Variants in VPS13B observed in about 807,000 individuals in gnomAD.
The protein encoded by VPS13B is intermembrane lipid transfer protein VPS13B.
Under a neutral mutation model 426.4 loss-of-function variants are expected in VPS13B, and 285 were observed. That is an observed-to-expected ratio of 0.67 (90% CI 0.61 to 0.74). The LOEUF (loss-of-function observed/expected upper bound fraction) is 0.74. Ranked by LOEUF, VPS13B falls within the 30% of genes least tolerant of loss-of-function variation. The pLI is 0.00. For missense variants in VPS13B, 4,537 were observed against 4,782.6 expected, an observed-to-expected ratio of 0.95 and a Z score of 1.51; for synonymous variants, 1,676 against 1,676.4, an observed-to-expected ratio of 1.00 and a Z score of 0.01.
At position 99,507,187 on chromosome 8, in the gene VPS13B, G is replaced by A; in HGVS notation, c.4208G>A (p.Cys1403Tyr). The A allele has an allele frequency of 6.2e-7, 1 of 1,613,882 alleles. No individual in the cohort carries two copies. Among genetic ancestry groups the A allele is most frequent in the Non-Finnish European group, 8.5e-7 (1 of 1,179,856 alleles). Residue 1403 changes from cysteine to tyrosine, a missense_variant, in exon 28 of 62, where the codon TGC becomes TAC. Physicochemically the swap from Cys to Tyr is radical, Grantham distance 194 (BLOSUM62 -2). Coordinates refer to ENST00000357162, the MANE Select transcript of VPS13B (RefSeq NM_152564.5). ...CATTTTGAAGGAGTATTTCTACAAT[G>A]CAAAGAAAAATCTGTGGTGAGACCC... ...SGHFEGVFLQ[C>Y]KEKSVTTTKL... is the part of the protein sequence containing the mutation.
chr8:99,377,915 AC>A lies in VPS13B; in HGVS notation c.2825-6292del, dbSNP rs1813576750. The stretch of plus-strand genomic sequence containing the variant: ...GGTGAGATCACAAGGTCAGGGTGAA[AC>A]TAGAATTACTAATGAAATTCCGTGT... On this transcript the variant is annotated intron_variant, in intron 19 of 61. Transcript: ENST00000357162. Among the ~76,000 whole-genome samples, 3 of 152,214 alleles carry A rather than the reference AC, an allele frequency of 2.0e-5. No individual in the cohort carries two copies. The South Asian group carries it at 6.2e-4, about 32-fold the overall frequency.
At chr8:99,132,592 A>G (rs1011567749) in intron 8 of VPS13B, among the ~76,000 whole-genome samples, 2 of 151,806 alleles carry the variant, frequency 1.3e-5, no homozygotes, top group African/African-American at 4.9e-5. Context: ...TACTTTGCCT[A>G]GATCCATCAG....
intron 21 of VPS13B, among the ~76,000 whole-genome samples, chr8:99,428,503 C>T (rs956196142): frequency 2.6e-5 from 4 of 152,176 alleles, no homozygotes; most frequent in Non-Finnish European, 5.9e-5. Context: ...CAAGAGAAGA[C>T]ATTTTTGCAG....
intron 26 of VPS13B, 70 bp from the exon 27 acceptor site, chr8:99,502,766 A>G (rs1214292829): frequency 2.6e-6 from 3 of 1,174,550 alleles, no homozygotes; most frequent in Non-Finnish European, 3.8e-6. Context: ...TCAATGTGAA[A>G]TGTAAAATAG....
At chr8:99,631,819 G>T (rs1828859964) in intron 33 of VPS13B, among the ~76,000 whole-genome samples, 1 of 151,758 alleles carries the variant, frequency 6.6e-6, no homozygotes, top group Admixed American at 6.6e-5. Context: ...TCCTTAGCTA[G>T]TGCCTAGAAC....
At chr8:99,038,717 T>G in intron 3 of VPS13B, 151 bp downstream of exon 3, 3 of 605,466 alleles carry the variant, frequency 5.0e-6, no homozygotes, top group Non-Finnish European at 5.2e-6. Context: ...AGATAGAGTC[T>G]TGCTCTGTTG....
intron 30 of VPS13B, among the ~76,000 whole-genome samples, chr8:99,526,794 T>A (rs913256287): frequency 1.3e-5 from 2 of 152,190 alleles, no homozygotes; most frequent in African/African-American, 4.8e-5. Flanking sequence ...TTATGTCAAA[T>A]TAAACCAGTG....
intron 35 of VPS13B, chr8:99,696,442 C>G (rs980709653): frequency 5.5e-6 from 2 of 364,218 alleles, no homozygotes; most frequent in Non-Finnish European, 1.1e-5. Flanking sequence ...CCTGACCAGG[C>G]AAAGCGCAGG....
rs536523797 is a variant in VPS13B, at chr8:99,310,089, C to T, written c.2824+34835C>T. ...AGCTTAAGGAGATTTTGGGCTGAGA[C>T]GATGGGGTTTTCTAAATATACAATC... On this transcript the variant is annotated intron_variant, in intron 19 of 61. Coordinates refer to ENST00000357162, the MANE Select transcript of VPS13B (RefSeq NM_152564.5). Among the ~76,000 whole-genome samples, 215 of 152,284 alleles carry T rather than the reference C, an allele frequency of 1.4e-3. 2 individuals carry two copies. The highest frequency in any genetic ancestry group is 2.3e-3 in the South Asian group (11 of 4,824).
chr8:99,811,719 G>C (rs1813710918), intron 44 of VPS13B, among the ~76,000 whole-genome samples: 1 of 152,116 alleles, frequency 6.6e-6, no homozygotes, highest in East Asian at 1.9e-4. Context: ...AGGCAACTTG[G>C]CTGTATCCGC....
At chr8:99,420,544 T>G (rs568812906) in intron 21 of VPS13B, among the ~76,000 whole-genome samples, 1 of 152,292 alleles carries the variant, frequency 6.6e-6, no homozygotes, top group South Asian at 2.1e-4. Flanking sequence ...CAATTCTATC[T>G]AATTGGTGGC....
chr8:99,101,957 G>A (rs1022963495), intron 4 of VPS13B, among the ~76,000 whole-genome samples: 3 of 152,082 alleles, frequency 2.0e-5, no homozygotes, highest in Admixed American at 6.5e-5. Context: ...TTACCTTTTA[G>A]TTAGCTTTTT....
chr8:99,761,133 G>A (rs976132169), intron 39 of VPS13B, among the ~76,000 whole-genome samples: 1 of 152,128 alleles, frequency 6.6e-6, no homozygotes, highest in Non-Finnish European at 1.5e-5. Context: ...GTTTCATTTG[G>A]TGTGAATTTA....
intron 17 of VPS13B, among the ~76,000 whole-genome samples, chr8:99,223,149 T>A (rs1395555017): frequency 6.6e-6 from 1 of 152,218 alleles, no homozygotes; most frequent in Non-Finnish European, 1.5e-5. Flanking sequence ...ACGATTTTAA[T>A]TAGTATGTGG....
At chr8:99,871,226 A>C (rs919467457) in intron 60 of VPS13B, 2 of 696,804 alleles carry the variant, frequency 2.9e-6, no homozygotes, top group Non-Finnish European at 4.8e-6. Flanking sequence ...AAAGGAGCTA[A>C]TAAGCAAAAC....
intron 3 of VPS13B, among the ~76,000 whole-genome samples, chr8:99,079,275 G>A (rs902924227): frequency 6.6e-6 from 1 of 152,056 alleles, no homozygotes; most frequent in Admixed American, 6.6e-5. Flanking sequence ...TGGTCTTGTT[G>A]TCAGGCCCCC....
chr8:99,835,705 T>A lies in VPS13B; in HGVS notation c.9909T>A (p.Ser3303Arg), dbSNP rs1183989088. 6.2e-6 allele frequency: 10 copies of A among 1,613,998 alleles called. No individual in the cohort carries two copies. Among genetic ancestry groups the A allele is most frequent in the Non-Finnish European group, 8.5e-6 (10 of 1,180,016 alleles). ...EPLDEVTTEW[S>R]DAIDINSQGT... ...TAGATGAAGTAACAACTGAGTGGAGTGATGCCATTGACATCAACAGTCAGG... is the reference window on the plus strand; with the variant it reads ...TAGATGAAGTAACAACTGAGTGGAGAGATGCCATTGACATCAACAGTCAGG... The change falls in exon 54 of 62, where the codon AGT becomes AGA. Residue 3303 changes from serine (S) to arginine (R), a missense_variant. Ser to Arg is a moderately radical substitution (Grantham distance 110). Around this residue, in one of 2 missense-constraint regions of VPS13B, gnomAD observed 4,311 missense variants for 4,474.3 expected, o/e 0.96. Coordinates refer to ENST00000357162, the MANE Select transcript of VPS13B (RefSeq NM_152564.5).
intron 21 of VPS13B, among the ~76,000 whole-genome samples, chr8:99,430,703 C>CA (rs1817045956): frequency 9.8e-6 from 1 of 101,840 alleles, no homozygotes; most frequent in South Asian, 2.8e-4. Context: ...TCAAAATCCA[C>CA]CCCCCCCCCA....
chr8:99,773,924 T>C (rs2130655131), intron 40 of VPS13B, among the ~76,000 whole-genome samples: 1 of 152,332 alleles, frequency 6.6e-6, no homozygotes, highest in South Asian at 2.1e-4. Flanking sequence ...GTGAATCAGA[T>C]TAAAATCCAC....
Sources: allele counts gnomAD v4.1 joint callset (sites outside exome capture counted in the v4.1 genomes callset), GRCh38; gene constraint gnomAD v4.1.1; regional missense constraint gnomAD v4.1.1; transcripts MANE v1.5; gene names NCBI Gene and HGNC (gene_info 2026-07-23, HGNC 2026-07-21).